Variants in MCTP1 observed in about 807,000 individuals in gnomAD.
MCTP1 encodes multiple C2 and transmembrane domain containing 1.
Under a neutral mutation model 120.6 loss-of-function variants are expected in MCTP1, and 69 were observed. That is an observed-to-expected ratio of 0.57 (90% CI 0.47 to 0.70). The LOEUF (loss-of-function observed/expected upper bound fraction) is 0.70. Ranked by LOEUF, MCTP1 falls within the 30% of genes least tolerant of loss-of-function variation. The pLI is 0.00. For synonymous variants in MCTP1, 529 were observed against 493.1 expected (o/e 1.07, Z -0.96); for missense variants, 1,203 against 1,248.8 (o/e 0.96, Z 0.55).
intron 1 of MCTP1, among the ~76,000 whole-genome samples, chr5:95,169,984 T>C (rs1242878772): frequency 6.6e-6 from 1 of 152,236 alleles, no homozygotes; most frequent in Non-Finnish European, 1.5e-5. Context: ...GCTTCTCTAG[T>C]TCTTTTAATT....
In MCTP1 at chr5:94,953,719, C is replaced by A. The variant is rs1234785411; in HGVS notation, c.839-358G>T. ...ACAGCACTTTTCACAATAGCAAAGACATGGAATCAACAGACTATTGGGCTA... is the reference window on the plus strand; with the variant it reads ...ACAGCACTTTTCACAATAGCAAAGAAATGGAATCAACAGACTATTGGGCTA... On this transcript the variant is annotated intron_variant, in intron 2 of 22. Transcript: ENST00000515393. Among the ~76,000 whole-genome samples, 17 of 147,572 alleles carry A rather than the reference C, an allele frequency of 1.2e-4. No homozygotes were observed. In the East Asian group the frequency reaches 1.8e-3, roughly 15 times the overall value.
intron 17 of MCTP1, among the ~76,000 whole-genome samples, chr5:94,815,328 T>C (rs1561681982): frequency 6.6e-6 from 1 of 152,232 alleles, no homozygotes. Context: ...CTAAGTTATA[T>C]AATATCAAGC....
chr5:95,083,151 T>C (rs1755137292), intron 1 of MCTP1, among the ~76,000 whole-genome samples: 1 of 152,186 alleles, frequency 6.6e-6, no homozygotes. Context: ...AATAAATGAA[T>C]AAAATATGGA....
At position 95,002,493 on chromosome 5, in the gene MCTP1, T is replaced by C. The variant is rs184007775; in HGVS notation, c.838+14874A>G. On this transcript the variant is annotated intron_variant, in intron 2 of 22. Transcript: ENST00000515393. ...CTGCCCAAGGCTGTGGGAGCCCACCTCTTGCATCAGTGTGACTCAGATGTG... is the reference window on the plus strand; with the variant it reads ...CTGCCCAAGGCTGTGGGAGCCCACCCCTTGCATCAGTGTGACTCAGATGTG... Among the ~76,000 whole-genome samples the C allele has an allele frequency of 1.1e-4, 17 of 152,318 alleles. No individual in the cohort carries two copies. In the East Asian group the frequency reaches 3.3e-3, roughly 29 times the overall value.
chr5:95,093,829 T>C (rs1211507175), intron 1 of MCTP1, among the ~76,000 whole-genome samples: 1 of 152,206 alleles, frequency 6.6e-6, no homozygotes, highest in African/African-American at 2.4e-5. Context: ...TTTCTGAGAC[T>C]AGGTCACAAA....
chr5:94,812,130 T>TA (rs752014311), intron 17 of MCTP1, among the ~76,000 whole-genome samples: 1 of 152,212 alleles, frequency 6.6e-6, no homozygotes, highest in Non-Finnish European at 1.5e-5. Context: ...TTTTCCAGAA[T>TA]AATTGAATAT....
At chr5:95,219,764 T>C (rs751112306) in intron 1 of MCTP1, among the ~76,000 whole-genome samples, 40 of 152,328 alleles carry the variant, frequency 2.6e-4, no homozygotes, top group Non-Finnish European at 4.4e-4. Context: ...CTGCCATCAA[T>C]TTTATATTCT....
intron 2 of MCTP1, among the ~76,000 whole-genome samples, chr5:94,954,434 G>A (rs7702101): frequency 0.37 from 56,494 of 151,372 alleles, 10,722 homozygotes; most frequent in Middle Eastern, 0.43. Flanking sequence ...GGTGAAGAAT[G>A]AAATACCATC....
intron 1 of MCTP1, among the ~76,000 whole-genome samples, chr5:95,279,581 T>A (rs1436096664): frequency 6.6e-6 from 1 of 152,200 alleles, no homozygotes; most frequent in Non-Finnish European, 1.5e-5. Flanking sequence ...CCAATAATAA[T>A]AACAAGCACA....
At chr5:94,897,719 G>T (rs1327676878) in intron 10 of MCTP1, among the ~76,000 whole-genome samples, 1 of 152,068 alleles carries the variant, frequency 6.6e-6, no homozygotes, top group East Asian at 1.9e-4. Context: ...GTGCAGGTTT[G>T]TAATATACAT....
chr5:95,072,019 G>A (rs1752284173), intron 1 of MCTP1, among the ~76,000 whole-genome samples: 1 of 151,754 alleles, frequency 6.6e-6, no homozygotes, highest in South Asian at 2.1e-4. Context: ...GTTTAGCTGT[G>A]ATGTACAGGT....
In MCTP1 at chr5:94,878,152, C is replaced by T. The variant is rs1056152021; in HGVS notation, c.1934-4911G>A. ...ATATAATCAAGGTTGCCATCTATCCCTTATAGAAACTGGAATTTCAATCAT... is the reference window on the plus strand; with the variant it reads ...ATATAATCAAGGTTGCCATCTATCCTTTATAGAAACTGGAATTTCAATCAT... On this transcript the variant is annotated intron_variant, in intron 12 of 22. Coordinates refer to ENST00000515393, the MANE Select transcript of MCTP1 (RefSeq NM_024717.7). Among the ~76,000 whole-genome samples, 8 of 152,206 alleles carry T rather than the reference C, an allele frequency of 5.3e-5. No homozygotes were observed. In the South Asian group the frequency reaches 1.4e-3, roughly 28 times the overall value.
intron 16 of MCTP1, among the ~76,000 whole-genome samples, chr5:94,870,036 G>C (rs1797533925): frequency 6.6e-6 from 1 of 152,008 alleles, no homozygotes; most frequent in Admixed American, 6.6e-5. Context: ...GGGTGGTCTG[G>C]ACATATATTT....
At chr5:95,226,789 A>G (rs963861514) in intron 1 of MCTP1, among the ~76,000 whole-genome samples, 1 of 152,140 alleles carries the variant, frequency 6.6e-6, no homozygotes, top group Non-Finnish European at 1.5e-5. Flanking sequence ...CCCATTTTAA[A>G]CTATGTTGAT....
intron 1 of MCTP1, among the ~76,000 whole-genome samples, chr5:95,051,960 A>C (rs546402783): frequency 1.1e-4 from 17 of 152,264 alleles, no homozygotes; most frequent in African/African-American, 4.1e-4. Context: ...GTCACAAAAT[A>C]ATCTGTACAC....
intron 1 of MCTP1, among the ~76,000 whole-genome samples, chr5:95,065,894 A>G (rs1750533984): frequency 6.6e-6 from 1 of 152,242 alleles, no homozygotes; most frequent in South Asian, 2.1e-4. Context: ...GTAAGACTGG[A>G]AATTCCAAAC....
chr5:94,936,368 A>C (rs576724673), intron 5 of MCTP1, among the ~76,000 whole-genome samples: 54 of 152,124 alleles, frequency 3.5e-4, no homozygotes, highest in Non-Finnish European at 3.5e-4. Flanking sequence ...CTATAGGCAT[A>C]TTTTAGGTAC....
At chr5:95,088,322 C>G (rs1755588590) in intron 1 of MCTP1, among the ~76,000 whole-genome samples, 1 of 152,222 alleles carries the variant, frequency 6.6e-6, no homozygotes, top group Non-Finnish European at 1.5e-5. Flanking sequence ...CATCCTTACC[C>G]AGGTCTCTAG....
At chr5:95,171,078 T>C (rs868600134) in intron 1 of MCTP1, among the ~76,000 whole-genome samples, 3 of 152,186 alleles carry the variant, frequency 2.0e-5, no homozygotes, top group East Asian at 3.9e-4. Flanking sequence ...TTAGTGCTTA[T>C]TTCAGGAGCT....
Sources: allele counts gnomAD v4.1 joint callset (sites outside exome capture counted in the v4.1 genomes callset), GRCh38; gene constraint gnomAD v4.1.1; transcripts MANE v1.5; gene names NCBI Gene and HGNC (gene_info 2026-07-23, HGNC 2026-07-21).